The following MANBA variants were observed in gnomAD, a reference collection of about 807,000 sequenced individuals.
MANBA encodes the protein beta-mannosidase.
In MANBA, 83 loss-of-function variants were observed where a neutral mutation model predicts 111.1. That is an observed-to-expected ratio of 0.75 (90% CI 0.63 to 0.90). The LOEUF is 0.90. Among genes scored for constraint, MANBA ranks in the 40% least tolerant of loss-of-function variants. The probability of loss-of-function intolerance (pLI) is 0.00; values close to 1 mark genes in which losing one functional copy is unlikely to be tolerated. For synonymous variants in MANBA, 370 were observed against 378.7 expected (o/e 0.98, Z 0.27); for missense variants, 1,036 against 1,069.0 (o/e 0.97, Z 0.43).
intron 7 of MANBA, chr4:102,682,725 T>C (rs1732041425): frequency 6.6e-6 from 1 of 152,154 alleles, no homozygotes; most frequent in African/African-American, 2.4e-5. Flanking sequence ...GAGAAAGCTA[T>C]ATGATGGTGG....
chr4:102,752,237 T>A, intron 1 of MANBA: 4 of 988,346 alleles, frequency 4.0e-6, no homozygotes, highest in Non-Finnish European at 1.6e-6. Context: ...GGATGTTGAG[T>A]CTGACAGTCT....
chr4:102,691,921 G>T (rs1385221945), intron 5 of MANBA, among the ~76,000 whole-genome samples: 1 of 152,186 alleles, frequency 6.6e-6, no homozygotes, highest in Non-Finnish European at 1.5e-5. Context: ...GAAGGCCCAT[G>T]AGTGAGACAG....
At chr4:102,720,434 CAA>C (rs560893385) in intron 4 of MANBA, among the ~76,000 whole-genome samples, 4 of 98,998 alleles carry the variant, frequency 4.0e-5, no homozygotes, top group African/African-American at 1.1e-4. Flanking sequence ...GACTCAGTCT[CAA>C]AAAAAAAAAA....
chr4:102,754,928 T>G (rs1723952657), intron 1 of MANBA, among the ~76,000 whole-genome samples: 1 of 152,172 alleles, frequency 6.6e-6, no homozygotes, highest in Non-Finnish European at 1.5e-5. Context: ...ATGCACTGAA[T>G]TTTTACTTTA....
intron 5 of MANBA, 108 bp downstream of exon 5, chr4:102,714,330 T>C: frequency 3.5e-6 from 4 of 1,156,518 alleles, no homozygotes; most frequent in Admixed American, 2.1e-5. Flanking sequence ...CACAAAGTTT[T>C]TAAAAATTCT....
intron 16 of MANBA, among the ~76,000 whole-genome samples, chr4:102,634,454 A>C (rs6813157): frequency 0.55 from 83,156 of 151,648 alleles, 23,200 homozygotes; most frequent in African/African-American, 0.63. Flanking sequence ...AGAGACTATG[A>C]GGTGAAGCAC....
intron 11 of MANBA, among the ~76,000 whole-genome samples, chr4:102,662,301 G>A (rs756154353): frequency 6.6e-6 from 1 of 152,052 alleles, no homozygotes; most frequent in South Asian, 2.1e-4. Flanking sequence ...CAGCACTTTC[G>A]GAGGCCGAGG....
At chr4:102,656,070 T>C (rs752172097) in intron 12 of MANBA, among the ~76,000 whole-genome samples, 19 of 152,196 alleles carry the variant, frequency 1.2e-4, no homozygotes, top group Admixed American at 3.9e-4. Flanking sequence ...CTGGATGATT[T>C]GGTGAAACTC....
chr4:102,743,264 C>T (rs939665274), intron 1 of MANBA, among the ~76,000 whole-genome samples: 1 of 152,226 alleles, frequency 6.6e-6, no homozygotes, highest in Non-Finnish European at 1.5e-5. Flanking sequence ...ACTGACCACC[C>T]AGCCAAACCA....
rs957466649 is a variant in MANBA at position 102,734,362 on chromosome 4, C to A, written c.178-7679G>T. The stretch of plus-strand genomic sequence containing the variant: ...AGGCAGCAAGCGACTTGGGCCATGG[C>A]CTCTGACCTAGACTTCTCACCTCTG... On this transcript the variant is annotated intron_variant, in intron 1 of 16. Transcript: ENST00000647097. 1.2e-5 allele frequency: 19 copies of A among 1,608,662 alleles called. No homozygotes were observed. The African/African-American group carries it at 2.4e-4, about 20-fold the overall frequency.
chr4:102,713,128 G>A (rs1186551915), intron 5 of MANBA, among the ~76,000 whole-genome samples: 2 of 152,154 alleles, frequency 1.3e-5, no homozygotes, highest in Non-Finnish European at 2.9e-5. Flanking sequence ...TCTGCCTTCA[G>A]AAAATACAGA....
chr4:102,746,540 G>A (rs2079675179), intron 1 of MANBA, among the ~76,000 whole-genome samples: 1 of 152,156 alleles, frequency 6.6e-6, no homozygotes, highest in Admixed American at 6.6e-5. Context: ...TCCACATATG[G>A]TCAAAGGTAT....
At chr4:102,666,020 T>G (rs1247446440) in intron 10 of MANBA, 1 of 152,240 alleles carries the variant, frequency 6.6e-6, no homozygotes, top group Admixed American at 6.5e-5. Context: ...TTTTTTGTCT[T>G]TGTACATGCC....
Position 102,657,230 on chromosome 4 carries a change from G to GGC in MANBA, c.1704+451_1704+452insGC, listed in dbSNP as rs1338223430. On this transcript the variant is annotated intron_variant, in intron 12 of 16. Transcript: ENST00000647097. Reference sequence around the variant, plus strand: ...GAGAGAGAGGAGTGGGGTGGGGGGGGGGTGGGCGGTGGTAATGGAATAGGA... The same window carrying GGC: ...GAGAGAGAGGAGTGGGGTGGGGGGGGGCGGTGGGCGGTGGTAATGGAATAGGA... Among the ~76,000 whole-genome samples the GGC allele has an allele frequency of 3.1e-4, 35 of 111,990 alleles. 1 individual carries two copies. In the South Asian group the frequency reaches 6.6e-3, roughly 21 times the overall value. 73.5% of individuals were successfully genotyped at this position (111,990 alleles called of 152,430 possible). A position where few individuals can be genotyped will look rare whatever the true frequency, so the allele number is the denominator to read the frequency against.
chr4:102,674,067 A>T lies in MANBA; in HGVS notation c.964T>A (p.Tyr322Asn), dbSNP rs779980905. Residue 322 changes from tyrosine (Y) to asparagine (N), a missense_variant, in exon 8 of 17, where the codon TAT becomes AAT. Coordinates refer to ENST00000647097, the MANE Select transcript of MANBA (RefSeq NM_005908.4). ...GLNIEKSAKV[Y>N]FRTVELIEEP... The stretch of plus-strand genomic sequence containing the variant: ...TCTATAAGTTCCACTGTCCTAAAAT[A>T]AACCTGCAATGAACAGAATTAAATG... 4 of 1,597,224 alleles carry T rather than the reference A, an allele frequency of 2.5e-6. No individual in the cohort carries two copies. The highest frequency in any genetic ancestry group is 3.4e-6 in the Non-Finnish European group (4 of 1,164,918).
At chr4:102,691,362 T>C (rs1732465846) in intron 5 of MANBA, among the ~76,000 whole-genome samples, 4 of 152,104 alleles carry the variant, frequency 2.6e-5, no homozygotes, top group Admixed American at 2.6e-4. Flanking sequence ...TGGCCCCTAC[T>C]CTCATGAACT....
chr4:102,652,148 T>G, intron 12 of MANBA, among the ~76,000 whole-genome samples: 1 of 152,270 alleles, frequency 6.6e-6, no homozygotes, highest in East Asian at 1.9e-4. Context: ...TACAATAAAT[T>G]ATTATTAACT....
chr4:102,704,916 C>T (rs1043214329), intron 5 of MANBA, among the ~76,000 whole-genome samples: 4 of 152,316 alleles, frequency 2.6e-5, no homozygotes, highest in Admixed American at 6.5e-5. Context: ...ATATATTTCT[C>T]TATGTTAAGT....
intron 5 of MANBA, among the ~76,000 whole-genome samples, chr4:102,697,273 A>G (rs1284786079): frequency 6.6e-6 from 1 of 152,190 alleles, no homozygotes; most frequent in Admixed American, 6.5e-5. Context: ...TTAAAGATGA[A>G]TGAAAAATTG....
Sources: gnomAD v4.1 joint callset for allele counts (sites outside exome capture counted in the v4.1 genomes callset) on GRCh38, gnomAD v4.1.1 for gene constraint, MANE v1.5 for transcripts, NCBI Gene and HGNC (gene_info 2026-07-23, HGNC 2026-07-21) for gene names.